The following MTG2 variants were observed in gnomAD, a reference collection of about 807,000 sequenced individuals.
MTG2 encodes mitochondrial ribosome-associated GTPase 2.
A neutral mutation model predicts 28.6 loss-of-function variants in MTG2; 23 were observed. That is an observed-to-expected ratio of 0.80 (90% CI 0.58 to 1.14). MTG2 has a LOEUF of 1.14. Among genes scored for constraint, MTG2 ranks in the 50% most tolerant of loss-of-function variants. The pLI is 0.00. For missense variants in MTG2, 539 were observed against 552.0 expected (o/e 0.98, Z 0.24); for synonymous variants, 260 against 251.8 (o/e 1.03, Z -0.31).
At chr20:62,194,464 G>A (rs1438755000) in intron 2 of MTG2, among the ~76,000 whole-genome samples, 2 of 152,360 alleles carry the variant, frequency 1.3e-5, no homozygotes, top group South Asian at 4.1e-4. Context: ...TCCCTGTCTG[G>A]TGGATTTTGC....
intron 2 of MTG2, among the ~76,000 whole-genome samples, chr20:62,195,401 G>T (rs1368330650): frequency 6.6e-6 from 1 of 152,168 alleles, no homozygotes; most frequent in East Asian, 1.9e-4. Context: ...TAAGAGTAAA[G>T]ATCTATGATT....
intron 1 of MTG2, among the ~76,000 whole-genome samples, chr20:62,184,250 G>C (rs990765531): frequency 4.6e-5 from 7 of 152,088 alleles, no homozygotes; most frequent in East Asian, 3.9e-4. Flanking sequence ...CCCAGCTACT[G>C]GGGAGGCTGA....
intron 2 of MTG2, chr20:62,194,173 A>T (rs192964382): frequency 6.6e-6 from 1 of 152,138 alleles, no homozygotes; most frequent in East Asian, 1.9e-4. Flanking sequence ...TTTAAGCCTT[A>T]TAAGTTTTTC....
At chr20:62,197,642 T>C (rs2058084101) in intron 3 of MTG2, 1 of 545,256 alleles carries the variant, frequency 1.8e-6, no homozygotes, top group African/African-American at 1.9e-5. Context: ...AATAAGAAAT[T>C]TAAAAATTTT....
chr20:62,184,708 C>G (rs531483055), intron 1 of MTG2, among the ~76,000 whole-genome samples: 2 of 152,324 alleles, frequency 1.3e-5, no homozygotes, highest in African/African-American at 4.8e-5. Flanking sequence ...AGGCTCCTGA[C>G]ACACAGCACA....
rs375486210 is a variant in MTG2 at position 62,184,371 on chromosome 20, A to C, written c.-6+1314A>C. On this transcript the variant is annotated intron_variant, in intron 1 of 6. Transcript: ENST00000370823. ...AGACTCTGTCTCAAAAACATACCCA[A>C]AAAAAAAAAATCAGGTTTCATGCTC... Among the ~76,000 whole-genome samples, 593 of 85,510 alleles carry C rather than the reference A, an allele frequency of 6.9e-3. 3 individuals carry two copies. Among genetic ancestry groups the C allele is most frequent in the Non-Finnish European group, 0.01 (416 of 39,820 alleles). The allele number at this position is 85,510 out of a possible 152,430, so 56.1% of individuals were successfully genotyped here.
chr20:62,187,247 A>G (rs1054169984), intron 1 of MTG2, among the ~76,000 whole-genome samples: 3 of 152,206 alleles, frequency 2.0e-5, no homozygotes, highest in South Asian at 2.1e-4. Flanking sequence ...GCTGGATTCA[A>G]TTGGGTAATA....
chr20:62,195,156 G>A (rs1280090774), intron 2 of MTG2, among the ~76,000 whole-genome samples: 6 of 152,016 alleles, frequency 3.9e-5, no homozygotes, highest in Admixed American at 1.3e-4. Flanking sequence ...AGATCCCACC[G>A]TTGCACTCCA....
Position 62,199,239 on chromosome 20 carries a change from G to A in MTG2, c.808G>A (p.Gly270Ser), listed in dbSNP as rs141734702. The A allele has an allele frequency of 1.2e-3, 1,907 of 1,613,482 alleles. 17 individuals carry two copies. The African/African-American group carries it at 0.022, about 19-fold the overall frequency. Residue 270 changes from glycine (G) to serine (S), a missense_variant, in exon 6 of 7, where the codon GGC (glycine) becomes AGC (serine). By Grantham distance (56) the Gly-to-Ser change is moderately conservative. Coordinates refer to ENST00000370823, the MANE Select transcript of MTG2 (RefSeq NM_015666.4). ...KPHVGIVHYE[G>S]HLQIAVADIP... ...CCACGTCGGGATCGTCCACTACGAA[G>A]GCCACCTACAAATAGCAGGTAGAAC...
chr20:62,200,416 C>T, intron 6 of MTG2: 1 of 410,360 alleles, frequency 2.4e-6, no homozygotes, highest in Non-Finnish European at 4.3e-6. Flanking sequence ...ATGAAATGTA[C>T]TCTACTAGAT....
At position 62,190,781 on chromosome 20, in the gene MTG2, A is replaced by G. The variant is rs951454011; in HGVS notation, c.-5-2635A>G. Among the ~76,000 whole-genome samples the G allele has an allele frequency of 2.0e-5, 3 of 152,238 alleles. No homozygotes were observed. The South Asian group carries it at 6.2e-4, about 32-fold the overall frequency. ...GCCGCACAGGCACGGCTGCGGGGGC[A>G]CTGGGGAGGAAGTCCGCAGGGATGC... On this transcript the variant is annotated intron_variant, in intron 1 of 6. Coordinates refer to ENST00000370823, the MANE Select transcript of MTG2 (RefSeq NM_015666.4).
intron 1 of MTG2, among the ~76,000 whole-genome samples, chr20:62,192,938 T>TAAA (rs1013496615): frequency 6.6e-6 from 1 of 152,222 alleles, no homozygotes; most frequent in African/African-American, 2.4e-5. Flanking sequence ...GGCCTTCCCT[T>TAAA]AGAGTTACTT....
chr20:62,195,791 G>T lies in MTG2; in HGVS notation c.205-11G>T. 6.2e-7 allele frequency: 1 copy of T among 1,614,130 alleles called. No individual in the cohort carries two copies. ...TGTTGAGATGACGTGGGATATTTGTGTTCTCTGTAGAAAAGGTACTTTGTG... is the reference window on the plus strand; with the variant it reads ...TGTTGAGATGACGTGGGATATTTGTTTTCTCTGTAGAAAAGGTACTTTGTG... On this transcript the variant is annotated splice_polypyrimidine_tract_variant and intron_variant, in intron 2 of 6. Coordinates refer to ENST00000370823, the MANE Select transcript of MTG2 (RefSeq NM_015666.4).
rs1381850340 is a variant in MTG2, at chr20:62,199,142, G to A, written c.711G>A (p.Lys237=). Residue 237 remains lysine, a synonymous_variant, in exon 6 of 7, where the codon AAG becomes AAA. Coordinates refer to ENST00000370823, the MANE Select transcript of MTG2 (RefSeq NM_015666.4). The part of the protein sequence containing the change: ...AGMVGFPNAG[K]SSLLRAISNA... ...AGGTGGGATTCCCCAACGCCGGGAA[G>A]TCCTCACTGCTCCGGGCCATTTCAA... is the stretch of plus-strand genomic sequence containing the variant. 1.9e-6 allele frequency: 3 copies of A among 1,614,142 alleles called. No individual in the cohort carries two copies. The highest frequency in any genetic ancestry group is 1.7e-6 in the Non-Finnish European group (2 of 1,180,028).
intron 1 of MTG2, among the ~76,000 whole-genome samples, chr20:62,191,741 A>G (rs904162680): frequency 6.6e-6 from 1 of 152,026 alleles, no homozygotes; most frequent in Non-Finnish European, 1.5e-5. Context: ...AGCACCTTGT[A>G]AGGTCCCTCC....
rs1255072197 is a variant in MTG2 at position 62,203,484 on chromosome 20, T to G, written c.*2407T>G. 6.6e-6 allele frequency: 1 copy of G among 152,264 alleles called. No individual in the cohort carries two copies. The highest frequency in any genetic ancestry group is 1.9e-4 in the East Asian group (1 of 5,206). The allele number at this position is 152,264 out of a possible 1,614,324, so 9.4% of individuals were successfully genotyped here. ...CACTTGGCTTCCCCAGTTTCCTGTT[T>G]CCTGCCTAGAAACAAATTTTTGTCA... is the stretch of plus-strand genomic sequence containing the variant. On this transcript the variant is annotated 3_prime_UTR_variant, in exon 7 of 7. Coordinates refer to ENST00000370823, the MANE Select transcript of MTG2 (RefSeq NM_015666.4).
At chr20:62,186,661 C>T (rs6062128) in intron 1 of MTG2, among the ~76,000 whole-genome samples, 20,925 of 151,580 alleles carry the variant, frequency 0.14, 1,546 homozygotes, top group South Asian at 0.22. Flanking sequence ...CCCGAGTAGC[C>T]GGGACTACAG....
At chr20:62,191,401 G>C (rs1162789875) in intron 1 of MTG2, among the ~76,000 whole-genome samples, 1 of 152,194 alleles carries the variant, frequency 6.6e-6, no homozygotes, top group African/African-American at 2.4e-5. Context: ...AACACACATG[G>C]ACTGTTCTGG....
chr20:62,200,537 C>T, intron 6 of MTG2, 146 bp from the exon 7 acceptor site: 4 of 958,150 alleles, frequency 4.2e-6, no homozygotes, highest in Non-Finnish European at 6.1e-6. Context: ...CAGTTCAAGG[C>T]GTTCCTTGAA....
Sources: gnomAD v4.1 joint callset for allele counts (sites outside exome capture counted in the v4.1 genomes callset) on GRCh38, gnomAD v4.1.1 for gene constraint, MANE v1.5 for transcripts, NCBI Gene and HGNC (gene_info 2026-07-23, HGNC 2026-07-21) for gene names.